Variants in PLEKHG7 observed in about 807,000 individuals in gnomAD.
PLEKHG7 encodes the protein pleckstrin homology domain-containing family G member 7.
In PLEKHG7, 77 loss-of-function variants were observed where a neutral mutation model predicts 85.2. The observed-to-expected ratio is 0.90, with a 90% CI of 0.75 to 1.09. PLEKHG7 has a LOEUF of 1.09. Among genes scored for constraint, PLEKHG7 ranks in the 50% least tolerant of loss-of-function variants. PLEKHG7 has a pLI of 0.00. For synonymous variants in PLEKHG7, 301 were observed against 302.4 expected, an observed-to-expected ratio of 1.00 and a Z score of 0.05; for missense variants, 777 against 804.3, an observed-to-expected ratio of 0.97 and a Z score of 0.41.
intron 3 of PLEKHG7, among the ~76,000 whole-genome samples, chr12:92,717,112 A>G (rs772802538): frequency 3.3e-5 from 5 of 152,222 alleles, no homozygotes; most frequent in Non-Finnish European, 7.3e-5. Flanking sequence ...CATCTTACCT[A>G]ATTTTCAGGT....
chr12:92,756,503 G>A, intron 13 of PLEKHG7, 112 bp downstream of exon 13: 2 of 842,302 alleles, frequency 2.4e-6, no homozygotes, highest in Non-Finnish European at 2.0e-6. Context: ...TCCAGGTGAT[G>A]GAGGGTGTGA....
intron 2 of PLEKHG7, 55 bp from the exon 3 acceptor site, chr12:92,707,595 A>G: frequency 1.3e-6 from 2 of 1,592,158 alleles, no homozygotes; most frequent in African/African-American, 2.7e-5. Flanking sequence ...TTTGCTTTGG[A>G]GTTTGGGATG....
intron 3 of PLEKHG7, among the ~76,000 whole-genome samples, chr12:92,712,720 C>G (rs1871387785): frequency 6.6e-6 from 1 of 152,120 alleles, no homozygotes; most frequent in Non-Finnish European, 1.5e-5. Flanking sequence ...TAGCCCTCAC[C>G]CTACCAGTCA....
intron 4 of PLEKHG7, among the ~76,000 whole-genome samples, chr12:92,729,474 T>G (rs1019304780): frequency 2.0e-5 from 3 of 149,882 alleles, no homozygotes; most frequent in Non-Finnish European, 3.0e-5. Context: ...ATTGCTGTCA[T>G]GTTCATCTCC....
In PLEKHG7 at chr12:92,706,620, C is replaced by T. The variant is rs1871233896; in HGVS notation, c.-12C>T. The stretch of plus-strand genomic sequence containing the variant: ...CTGGAACCTTCTACCAACAGTAGAA[C>T]CTCTTAGCTTTATGGAGAAAACAGA... On this transcript the variant is annotated 5_prime_UTR_variant, in exon 2 of 17. Transcript: ENST00000344636. 1 of 1,594,664 alleles carries T rather than the reference C, an allele frequency of 6.3e-7. No homozygotes were observed.
At chr12:92,724,878 G>A (rs1871752514) in intron 3 of PLEKHG7, among the ~76,000 whole-genome samples, 1 of 152,008 alleles carries the variant, frequency 6.6e-6, no homozygotes, top group Admixed American at 6.6e-5. Flanking sequence ...AGACAAAGCA[G>A]GGTTTTAATA....
chr12:92,739,598 C>T (rs1872288095), intron 7 of PLEKHG7, among the ~76,000 whole-genome samples: 2 of 152,154 alleles, frequency 1.3e-5, no homozygotes, highest in African/African-American at 2.4e-5. Context: ...CTGTCAAATA[C>T]CTCAGTGTAT....
At chr12:92,768,501 T>C (rs1279002281) in intron 15 of PLEKHG7, among the ~76,000 whole-genome samples, 1 of 152,202 alleles carries the variant, frequency 6.6e-6, no homozygotes, top group Non-Finnish European at 1.5e-5. Flanking sequence ...ATTCAGGTGG[T>C]TTTGTATTTT....
intron 14 of PLEKHG7, among the ~76,000 whole-genome samples, chr12:92,762,090 C>G (rs1873052612): frequency 6.6e-6 from 1 of 152,088 alleles, no homozygotes. Context: ...ATTTTTAGAA[C>G]AACTTAATCT....
intron 9 of PLEKHG7, among the ~76,000 whole-genome samples, chr12:92,743,535 C>A (rs1872429320): frequency 6.6e-6 from 1 of 151,092 alleles, no homozygotes; most frequent in African/African-American, 2.4e-5. Flanking sequence ...CTAAGCCTGA[C>A]CATTAATGAC....
chr12:92,753,696 C>CAAGCAAG (rs1259939158), intron 10 of PLEKHG7, among the ~76,000 whole-genome samples: 1 of 152,194 alleles, frequency 6.6e-6, no homozygotes, highest in Non-Finnish European at 1.5e-5. Flanking sequence ...ACTGACCCAA[C>CAAGCAAG]AAGCAAGAAT....
At chr12:92,722,043 C>T (rs1324784490) in intron 3 of PLEKHG7, among the ~76,000 whole-genome samples, 1 of 151,458 alleles carries the variant, frequency 6.6e-6, no homozygotes, top group Non-Finnish European at 1.5e-5. Flanking sequence ...TGGAGACAAT[C>T]CTGCATGAAT....
intron 11 of PLEKHG7, among the ~76,000 whole-genome samples, chr12:92,755,118 T>C (rs1200748222): frequency 6.6e-6 from 1 of 152,246 alleles, no homozygotes; most frequent in Non-Finnish European, 1.5e-5. Context: ...GGATTATTAC[T>C]CATTTGGATG....
At chr12:92,737,873 T>C (rs1479775796) in intron 7 of PLEKHG7, among the ~76,000 whole-genome samples, 1 of 152,152 alleles carries the variant, frequency 6.6e-6, no homozygotes, top group Non-Finnish European at 1.5e-5. Flanking sequence ...CCTATTACTC[T>C]ACTGTCTCTT....
At position 92,735,534 on chromosome 12, in the gene PLEKHG7, C is replaced by A. The variant is rs145774963; in HGVS notation, c.700-948C>A. On this transcript the variant is annotated intron_variant, in intron 5 of 16. Transcript: ENST00000344636. ...TATCGTGCACTCTGAGGCAATAGAACAAGTTGAAAAATTGTGATAAACATT... is the reference window on the plus strand; with the variant it reads ...TATCGTGCACTCTGAGGCAATAGAAAAAGTTGAAAAATTGTGATAAACATT... Among the ~76,000 whole-genome samples the A allele has an allele frequency of 4.6e-5, 7 of 152,282 alleles. No homozygotes were observed. In the East Asian group the frequency reaches 1.3e-3, roughly 29 times the overall value.
In PLEKHG7 at chr12:92,709,102, T is replaced by C. The variant is rs376988664; in HGVS notation, c.530+1430T>C. On this transcript the variant is annotated intron_variant, in intron 3 of 16. Transcript: ENST00000344636. ...GAGCAGTGTGAAACCATTTGATGAA[T>C]TGATATGATCAGATGGATGTCAGAT... Among the ~76,000 whole-genome samples, 5 of 152,370 alleles carry C rather than the reference T, an allele frequency of 3.3e-5. No individual in the cohort carries two copies. The East Asian group carries it at 9.6e-4, about 29-fold the overall frequency.
intron 13 of PLEKHG7, 96 bp from the exon 14 acceptor site, chr12:92,761,642 GAAAGAAAGAAAGAA>G: frequency 2.6e-6 from 2 of 779,312 alleles, no homozygotes; most frequent in Non-Finnish European, 3.5e-6. Flanking sequence ...AAGAAAGAAA[GAAAGAAAGAAAGAA>G]AGAAAGAAAG....
chr12:92,727,891 A>G (rs931328407), intron 3 of PLEKHG7, among the ~76,000 whole-genome samples: 29 of 147,130 alleles, frequency 2.0e-4, no homozygotes, highest in Middle Eastern at 3.4e-3. Context: ...GCGCCTGGCC[A>G]ATTTCATGCT....
At chr12:92,735,037 C>A (rs1267712076) in intron 5 of PLEKHG7, among the ~76,000 whole-genome samples, 1 of 152,194 alleles carries the variant, frequency 6.6e-6, no homozygotes, top group Non-Finnish European at 1.5e-5. Context: ...CTGGAATACC[C>A]ACCCAGCCAT....
Sources: allele counts gnomAD v4.1 joint callset (sites outside exome capture counted in the v4.1 genomes callset), GRCh38; gene constraint gnomAD v4.1.1; transcripts MANE v1.5; gene names NCBI Gene and HGNC (gene_info 2026-07-23, HGNC 2026-07-21).